Variants in SH2D2A observed in about 807,000 individuals in gnomAD.
SH2D2A encodes the protein SH2 domain-containing protein 2A.
Under a neutral mutation model 43.6 loss-of-function variants are expected in SH2D2A, and 33 were observed. That is an observed-to-expected ratio of 0.76 (90% confidence interval 0.57 to 1.01). The LOEUF is 1.01. Among genes scored for constraint, SH2D2A ranks in the 50% least tolerant of loss-of-function variants. SH2D2A has a pLI of 0.00. For missense variants in SH2D2A, 491 were observed against 503.1 expected (o/e 0.98, Z 0.23); for synonymous variants, 212 against 206.1 (o/e 1.03, Z -0.25).
chr1:156,808,850 G>A (rs1381587489), intron 7 of SH2D2A, among the ~76,000 whole-genome samples: 1 of 152,200 alleles, frequency 6.6e-6, no homozygotes, highest in Non-Finnish European at 1.5e-5. Flanking sequence ...GGTGGGGTCA[G>A]CCCCAGGTGC....
chr1:156,815,800 C>G, intron 2 of SH2D2A: 1 of 1,613,910 alleles, frequency 6.2e-7, no homozygotes, highest in East Asian at 2.2e-5. Flanking sequence ...GGCCTAGGAG[C>G]AGTAAGGGAG....
chr1:156,814,042 C>A, intron 4 of SH2D2A, 26 bp from the exon 5 acceptor site: 1 of 1,493,860 alleles, frequency 6.7e-7, no homozygotes, highest in Non-Finnish European at 8.9e-7. Context: ...AGGGATCAGA[C>A]TATCTCCCGC....
At chr1:156,816,555 A>T in intron 1 of SH2D2A, 120 bp downstream of exon 1, 1 of 887,538 alleles carries the variant, frequency 1.1e-6, no homozygotes, top group Non-Finnish European at 1.7e-6. Context: ...CAGCTTTGCC[A>T]GCTCTGGCTT....
At chr1:156,814,951 C>A (rs1558067869) in intron 3 of SH2D2A, 86 bp downstream of exon 3, 1 of 1,223,562 alleles carries the variant, frequency 8.2e-7, no homozygotes, top group East Asian at 2.8e-5. Context: ...AAGTGGGAGC[C>A]TTCATCTATT....
intron 5 of SH2D2A, among the ~76,000 whole-genome samples, chr1:156,811,616 C>T (rs1259229893): frequency 6.6e-6 from 1 of 152,204 alleles, no homozygotes; most frequent in Non-Finnish European, 1.5e-5. Flanking sequence ...AAATCAAGTT[C>T]TGTGAAACTC....
At position 156,815,997 on chromosome 1, in the gene SH2D2A, T is replaced by C. The variant is rs1369640728; in HGVS notation, c.123+9A>G. On this transcript the variant is annotated intron_variant, in intron 2 of 8. Transcript: ENST00000368199. The stretch of plus-strand genomic sequence containing the variant: ...CTGCACCACGCTGCCGCCCCAGGTT[T>C]CCACTCACCGCAGTGTAGCCCAGGT... 13 of 1,613,344 alleles carry C rather than the reference T, an allele frequency of 8.1e-6. No individual in the cohort carries two copies. Among genetic ancestry groups the C allele is most frequent in the Non-Finnish European group, 1.1e-5 (13 of 1,179,680 alleles).
rs1305075946 is a variant in SH2D2A at position 156,816,724 on chromosome 1, A to G, written c.-16T>C. ...GGAACTCCATGAGGGCAGCCTCACA[A>G]GGGATCCCAGAGCAGGGTGTGTGTA... On this transcript the variant is annotated 5_prime_UTR_variant, in exon 1 of 9. Coordinates refer to ENST00000368199, the MANE Select transcript of SH2D2A (RefSeq NM_003975.4). 2 of 1,592,458 alleles carry G rather than the reference A, an allele frequency of 1.3e-6. No individual in the cohort carries two copies. Among genetic ancestry groups the G allele is most frequent in the Non-Finnish European group, 1.7e-6 (2 of 1,168,892 alleles).
At position 156,816,776 on chromosome 1, in the gene SH2D2A, A is replaced by G. The variant is rs1653988351; in HGVS notation, c.-68T>C. ...GTGTTCCGGAAAGGTGTGCACACTC[A>G]GCAACTCATCATCTCTCCTCTCACC... On this transcript the variant is annotated 5_prime_UTR_variant, in exon 1 of 9. It removes the in-frame stop codon of an upstream open reading frame in the 5' UTR. Transcript: ENST00000368199. The G allele has an allele frequency of 1.4e-6, 2 of 1,417,182 alleles. No individual in the cohort carries two copies. The highest frequency in any genetic ancestry group is 1.9e-6 in the Non-Finnish European group (2 of 1,054,388). 87.8% of individuals were successfully genotyped at this position (1,417,182 alleles called of 1,614,324 possible).
intron 4 of SH2D2A, 34 bp downstream of exon 4, chr1:156,814,171 C>T (rs755505664): frequency 6.2e-7 from 1 of 1,612,196 alleles, no homozygotes; most frequent in East Asian, 2.2e-5. Context: ...CGAGCCCCGC[C>T]TTGTGTCGCC....
chr1:156,806,999 G>C (rs1653013526), intron 8 of SH2D2A, among the ~76,000 whole-genome samples, 176 bp downstream of exon 8: 1 of 152,188 alleles, frequency 6.6e-6, no homozygotes, highest in South Asian at 2.1e-4. Context: ...ATGGATTGGA[G>C]TTGGCATGCA....
chr1:156,807,393 C>T lies in SH2D2A; in HGVS notation c.1003-48G>A. The T allele has an allele frequency of 7.0e-7, 1 of 1,429,384 alleles. No homozygotes were observed. The highest frequency in any genetic ancestry group is 2.5e-5 in the East Asian group (1 of 40,068). The allele number at this position is 1,429,384 out of a possible 1,614,324, so 88.5% of individuals were successfully genotyped here. On this transcript the variant is annotated intron_variant, in intron 7 of 8. Coordinates refer to ENST00000368199, the MANE Select transcript of SH2D2A (RefSeq NM_003975.4). The surrounding 1 kb of genome is among the most constrained non-coding windows in gnomAD (Gnocchi z 5.1). The stretch of plus-strand genomic sequence containing the variant: ...AGGTCACACCCTCTACCCTCTGCCT[C>T]CTAGGTGTACTTGCAGTCTCAAGAC...
chr1:156,806,359 G>C lies in SH2D2A; in HGVS notation c.*218C>G, dbSNP rs1652966738. The C allele has an allele frequency of 6.6e-6, 1 of 152,392 alleles. No homozygotes were observed. Among genetic ancestry groups the C allele is most frequent in the Non-Finnish European group, 1.5e-5 (1 of 68,178 alleles). The allele number at this position is 152,392 out of a possible 1,614,324, so 9.4% of individuals were successfully genotyped here. Reference sequence around the variant, plus strand: ...CAGACAACAGCAGCATTGGACCAGGGCCCAGACTCAAAAGGCTCAGAGGGC... The same window carrying C: ...CAGACAACAGCAGCATTGGACCAGGCCCCAGACTCAAAAGGCTCAGAGGGC... On this transcript the variant is annotated 3_prime_UTR_variant, in exon 9 of 9. Transcript: ENST00000368199.
intron 2 of SH2D2A, chr1:156,815,595 G>C: frequency 6.3e-6 from 4 of 636,240 alleles, no homozygotes; most frequent in Non-Finnish European, 1.1e-5. Flanking sequence ...CCAGAATGAG[G>C]GAGGGCTTAC....
chr1:156,813,711 C>T, intron 5 of SH2D2A, 137 bp downstream of exon 5: 1 of 794,110 alleles, frequency 1.3e-6, no homozygotes, highest in Non-Finnish European at 1.8e-6. Context: ...GATGAAGATG[C>T]CTGGGTAAGG....
Position 156,809,500 on chromosome 1 carries a change from A to G in SH2D2A, c.715-10T>C. 6.3e-7 allele frequency: 1 copy of G among 1,592,322 alleles called. No individual in the cohort carries two copies. Among genetic ancestry groups the G allele is most frequent in the Non-Finnish European group, 8.6e-7 (1 of 1,169,154 alleles). On this transcript the variant is annotated splice_polypyrimidine_tract_variant and intron_variant, in intron 6 of 8. Transcript: ENST00000368199. The surrounding 1 kb of genome is among the most constrained non-coding windows in gnomAD (Gnocchi z 4.8). ...TGAGCAGCTGGGAGGGCTGGGAGAG[A>G]AGGTGAGGCCAGGGAGGAGTGGGGT...
At chr1:156,813,229 G>A (rs1052183993) in intron 5 of SH2D2A, among the ~76,000 whole-genome samples, 1 of 152,190 alleles carries the variant, frequency 6.6e-6, no homozygotes, top group African/African-American at 2.4e-5. Flanking sequence ...CTACTCAGGG[G>A]TCCCATTCAG....
In SH2D2A at chr1:156,809,602, C is replaced by T; in HGVS notation, c.714+59G>A. The T allele has an allele frequency of 6.4e-7, 1 of 1,568,324 alleles. No homozygotes were observed. The highest frequency in any genetic ancestry group is 8.6e-7 in the Non-Finnish European group (1 of 1,158,062). ...CCCGCTAGGCCCCTCCTCCTCCCCG[C>T]TGCCTGCACCCCCTCGCAGGCCTGT... On this transcript the variant is annotated intron_variant, in intron 6 of 8. Coordinates refer to ENST00000368199, the MANE Select transcript of SH2D2A (RefSeq NM_003975.4). The surrounding 1 kb of genome is among the most constrained non-coding windows in gnomAD (Gnocchi z 4.8).
rs1350403955 is a variant in SH2D2A, at chr1:156,809,824, A to C, written c.568-17T>G. On this transcript the variant is annotated splice_polypyrimidine_tract_variant and intron_variant, in intron 5 of 8. Transcript: ENST00000368199. This position sits in a 1 kb window ranked among gnomAD's most constrained non-coding sequence, Gnocchi z 4.8. Reference sequence around the variant, plus strand: ...CTCAGGAGTCTGCTGGGAAAGAAGGAGGTCTGAGGCACTCGGTGGAGCGTT... The same window carrying C: ...CTCAGGAGTCTGCTGGGAAAGAAGGCGGTCTGAGGCACTCGGTGGAGCGTT... The C allele has an allele frequency of 6.2e-7, 1 of 1,612,086 alleles. No individual in the cohort carries two copies. The highest frequency in any genetic ancestry group is 8.5e-7 in the Non-Finnish European group (1 of 1,179,316).
rs200351059 is a variant in SH2D2A at position 156,809,256 on chromosome 1, G to C, written c.949C>G (p.Leu317Val). ...EVEDEGLPAT[L>V]GHPVLRKSWS... The stretch of plus-strand genomic sequence containing the variant: ...CTCTTCCGTAGGACAGGGTGCCCAA[G>C]GGTGGCGGGTAGGCCCTCATCTTCC... The change falls in exon 7 of 9, where the codon CTT (leucine) becomes GTT (valine). Residue 317 changes from leucine (L) to valine (V), a missense_variant. Physicochemically the swap from Leu to Val is conservative, Grantham distance 32. Coordinates refer to ENST00000368199, the MANE Select transcript of SH2D2A (RefSeq NM_003975.4). This position sits in a 1 kb window ranked among gnomAD's most constrained non-coding sequence, Gnocchi z 4.8. 251 of 1,614,030 alleles carry C rather than the reference G, an allele frequency of 1.6e-4. 1 individual carries two copies. In the East Asian group the frequency reaches 5.4e-3, roughly 35 times the overall value.
Sources: allele counts gnomAD v4.1 joint callset (sites outside exome capture counted in the v4.1 genomes callset), GRCh38; gene constraint gnomAD v4.1.1; non-coding constraint Gnocchi (gnomAD v3.1); transcripts MANE v1.5; gene names NCBI Gene and HGNC (gene_info 2026-07-23, HGNC 2026-07-21).